The following ZPBP variants were observed in gnomAD, a reference collection of about 807,000 sequenced individuals.
The protein encoded by ZPBP is zona pellucida binding protein.
A neutral mutation model predicts 44.8 loss-of-function variants in ZPBP; 26 were observed. That is an observed-to-expected ratio of 0.58 (90% CI 0.43 to 0.81). The LOEUF is 0.81. Ranked by LOEUF, ZPBP falls within the 30% of genes least tolerant of loss-of-function variation. ZPBP has a pLI of 0.00. For synonymous variants in ZPBP, 174 were observed against 153.2 expected (o/e 1.14, Z -1.00); for missense variants, 409 against 434.0 (o/e 0.94, Z 0.51).
At chr7:50,067,464 A>G (rs1801575097) in intron 3 of ZPBP, among the ~76,000 whole-genome samples, 1 of 152,216 alleles carries the variant, frequency 6.6e-6, no homozygotes, top group South Asian at 2.1e-4. Context: ...CAGAGATATT[A>G]GCTCTGCTTT....
At chr7:50,013,697 A>G (rs141767714) in intron 6 of ZPBP, among the ~76,000 whole-genome samples, 32 of 152,176 alleles carry the variant, frequency 2.1e-4, no homozygotes, top group Middle Eastern at 6.8e-3. Context: ...CTTAAGAGTG[A>G]TATGTCAGAG....
intron 6 of ZPBP, among the ~76,000 whole-genome samples, chr7:50,003,037 T>C (rs1486841382): frequency 6.6e-6 from 1 of 152,140 alleles, no homozygotes; most frequent in Non-Finnish European, 1.5e-5. Context: ...ACAGACACAA[T>C]TTGCTAATAA....
chr7:49,937,789 C>A (rs1055530467), intron 7 of ZPBP, among the ~76,000 whole-genome samples, 167 bp from the exon 8 acceptor site: 1 of 152,138 alleles, frequency 6.6e-6, no homozygotes, highest in Non-Finnish European at 1.5e-5. Context: ...CAACTCTATA[C>A]CCATTTCCCT....
chr7:49,862,265 T>G (rs1232180100), intron 2 of ZPBP, among the ~76,000 whole-genome samples: 1 of 152,140 alleles, frequency 6.6e-6, no homozygotes, highest in Non-Finnish European at 1.5e-5. Flanking sequence ...AAATTTCTTT[T>G]CAAATTATTC....
In ZPBP at chr7:50,046,235, G is replaced by A. The variant is rs1206243283; in HGVS notation, c.487+11754C>T. ...GCAATGCCATTCAGGACATAGGCAT[G>A]GCCAAAGACTTCGTGACTAAAACAC... On this transcript the variant is annotated intron_variant, in intron 4 of 7. Coordinates refer to ENST00000046087, the MANE Select transcript of ZPBP (RefSeq NM_007009.3). Among the ~76,000 whole-genome samples, 23 of 152,144 alleles carry A rather than the reference G, an allele frequency of 1.5e-4. 1 individual carries two copies. Among genetic ancestry groups the A allele is most frequent in the Non-Finnish European group, 1.5e-5 (1 of 68,024 alleles).
chr7:50,032,514 T>C (rs1799647546), intron 4 of ZPBP, among the ~76,000 whole-genome samples: 1 of 152,180 alleles, frequency 6.6e-6, no homozygotes, highest in Non-Finnish European at 1.5e-5. Context: ...TATACTCTTC[T>C]GAGTGTCCAG....
chr7:49,841,658 C>T, the ZPBP span, among the ~76,000 whole-genome samples: 1 of 152,170 alleles, frequency 6.6e-6, no homozygotes, highest in African/African-American at 2.4e-5. Context: ...CTCAGGGAGG[C>T]CCTGCAGTAG....
chr7:49,849,436 A>G (rs1164262497), downstream of ZPBP, among the ~76,000 whole-genome samples: 1 of 152,162 alleles, frequency 6.6e-6, no homozygotes, highest in African/African-American at 2.4e-5. Context: ...CTCTGCTGGG[A>G]GCAGACTGTC....
intron 2 of ZPBP, among the ~76,000 whole-genome samples, chr7:50,083,315 C>T (rs180903724): frequency 6.6e-6 from 1 of 152,020 alleles, no homozygotes; most frequent in East Asian, 1.9e-4. Flanking sequence ...AAAAGTCACT[C>T]TATAATCAAG....
intron 7 of ZPBP, among the ~76,000 whole-genome samples, chr7:49,981,492 T>C (rs1174448206): frequency 1.5e-5 from 1 of 64,884 alleles, no homozygotes; most frequent in East Asian, 3.7e-4. Context: ...ATATATTATA[T>C]ATAATATAAA....
At chr7:49,928,353 T>C (rs1794321061) in intron 1 of ZPBP, among the ~76,000 whole-genome samples, 1 of 152,236 alleles carries the variant, frequency 6.6e-6, no homozygotes, top group Admixed American at 6.5e-5. Context: ...CTTCTATGCC[T>C]CTGATCAGTG....
intron 7 of ZPBP, among the ~76,000 whole-genome samples, chr7:49,976,222 T>C (rs944689603): frequency 5.9e-5 from 9 of 152,240 alleles, no homozygotes; most frequent in Non-Finnish European, 1.2e-4. Flanking sequence ...TTTATTTACA[T>C]TTATCTCTAT....
intron 2 of ZPBP, among the ~76,000 whole-genome samples, chr7:49,875,569 T>C (rs981946378): frequency 7.2e-5 from 11 of 151,756 alleles, no homozygotes; most frequent in Admixed American, 1.3e-4. Flanking sequence ...AAGTGAAAGG[T>C]GGTCAGGGGT....
At chr7:49,978,638 G>C (rs1796634525) in intron 7 of ZPBP, among the ~76,000 whole-genome samples, 2 of 151,910 alleles carry the variant, frequency 1.3e-5, no homozygotes, top group East Asian at 1.9e-4. Context: ...GTTGTTTCAT[G>C]AGATACCTCA....
chr7:49,871,952 CA>C (rs1461375516), intron 2 of ZPBP, among the ~76,000 whole-genome samples: 4 of 78,406 alleles, frequency 5.1e-5, no homozygotes, highest in South Asian at 4.7e-4. Context: ...CACACACACA[CA>C]CACACCGAGA....
At chr7:50,037,120 A>G (rs555957312) in intron 4 of ZPBP, among the ~76,000 whole-genome samples, 1 of 152,298 alleles carries the variant, frequency 6.6e-6, no homozygotes, top group South Asian at 2.1e-4. Flanking sequence ...TATGAATACT[A>G]TAATGTGTGC....
intron 7 of ZPBP, among the ~76,000 whole-genome samples, chr7:49,965,508 A>G (rs1165969724): frequency 6.6e-6 from 1 of 152,124 alleles, no homozygotes; most frequent in Non-Finnish European, 1.5e-5. Flanking sequence ...CAAAAGAAAT[A>G]TTAAATAAAG....
intron 1 of ZPBP, among the ~76,000 whole-genome samples, chr7:49,930,869 G>A (rs187159686): frequency 6.6e-6 from 1 of 152,212 alleles, no homozygotes; most frequent in Non-Finnish European, 1.5e-5. Context: ...ATTTGGTTTG[G>A]CTCTACGTCC....
At chr7:50,063,002 A>C (rs1209027524) in intron 3 of ZPBP, among the ~76,000 whole-genome samples, 1 of 144,946 alleles carries the variant, frequency 6.9e-6, no homozygotes, top group Non-Finnish European at 1.5e-5. Flanking sequence ...AGATCAATGC[A>C]GGGGGAAGCA....
Sources: gnomAD v4.1 joint callset for allele counts (sites outside exome capture counted in the v4.1 genomes callset) on GRCh38, gnomAD v4.1.1 for gene constraint, MANE v1.5 for transcripts, NCBI Gene and HGNC (gene_info 2026-07-23, HGNC 2026-07-21) for gene names.